Variants in MTCL2 observed in about 807,000 individuals in gnomAD.
MTCL2 encodes microtubule crosslinking factor 2.
chr20:36,820,330 C>A, the MTCL2 span, among the ~76,000 whole-genome samples: 1 of 152,116 alleles, frequency 6.6e-6, no homozygotes, highest in Non-Finnish European at 1.5e-5. Flanking sequence ...ACCAAGGGGT[C>A]AGGCATCACA....
the MTCL2 span, among the ~76,000 whole-genome samples, chr20:36,836,614 G>C: frequency 3.3e-5 from 5 of 151,904 alleles, no homozygotes; most frequent in African/African-American, 1.2e-4. Context: ...AAAGTGCTAG[G>C]ATTACAGGTG....
chr20:36,790,738 CTTT>C, the MTCL2 span, among the ~76,000 whole-genome samples: 11 of 135,860 alleles, frequency 8.1e-5, no homozygotes, highest in Admixed American at 1.5e-4. Context: ...TGCCTGGCCT[CTTT>C]TTTTTTTTTT....
At chr20:36,838,951 AAGAG>A in the MTCL2 span, among the ~76,000 whole-genome samples, 1 of 150,350 alleles carries the variant, frequency 6.7e-6, no homozygotes, top group African/African-American at 2.4e-5. Context: ...CCTGGGCAAC[AAGAG>A]AGAAACTCTG....
At chr20:36,793,218 C>T in the MTCL2 span, 2 of 1,532,612 alleles carry the variant, frequency 1.3e-6, no homozygotes, top group African/African-American at 2.8e-5. The surrounding 1 kb of genome is among the most constrained non-coding windows in gnomAD (Gnocchi z 6.8). Context: ...ACTCCACCTA[C>T]TAAGAGAAAG....
the MTCL2 span, chr20:36,794,678 G>A: frequency 1.0e-5 from 16 of 1,579,404 alleles, no homozygotes; most frequent in South Asian, 2.2e-5. The surrounding 1 kb of genome is among the most constrained non-coding windows in gnomAD (Gnocchi z 5.4). Flanking sequence ...ACCCTGGTCC[G>A]TGTGCTGCGT....
At chr20:36,862,676 C>A in the MTCL2 span, 1 of 1,500,060 alleles carries the variant, frequency 6.7e-7, no homozygotes, top group Non-Finnish European at 8.9e-7. Flanking sequence ...AGTCGTTCTC[C>A]GAGCGCAGCT....
At chr20:36,831,860 C>T in the MTCL2 span, among the ~76,000 whole-genome samples, 5 of 152,278 alleles carry the variant, frequency 3.3e-5, no homozygotes, top group South Asian at 4.1e-4. Context: ...AAACATGGTC[C>T]CCAGTTTGGG....
the MTCL2 span, chr20:36,785,443 C>T: frequency 1.1e-3 from 1,093 of 985,326 alleles, 10 homozygotes; most frequent in African/African-American, 0.017. Flanking sequence ...AGGCAAGATA[C>T]GTGTTTCCAG....
chr20:36,843,223 C>T, the MTCL2 span, among the ~76,000 whole-genome samples: 1 of 152,228 alleles, frequency 6.6e-6, no homozygotes, highest in Non-Finnish European at 1.5e-5. Flanking sequence ...GACTGCTCTG[C>T]TCTTCCAATG....
At chr20:36,826,942 T>C in the MTCL2 span, among the ~76,000 whole-genome samples, 5 of 152,198 alleles carry the variant, frequency 3.3e-5, no homozygotes, top group Non-Finnish European at 7.3e-5. Flanking sequence ...TCTTTTTAAT[T>C]TCTTCATAGT....
chr20:36,805,320 C>G, the MTCL2 span, among the ~76,000 whole-genome samples: 6 of 152,266 alleles, frequency 3.9e-5, no homozygotes, highest in South Asian at 1.2e-3. Context: ...ATCTTCTCTC[C>G]TGGGCCCATG....
the MTCL2 span, among the ~76,000 whole-genome samples, chr20:36,801,690 G>T: frequency 6.6e-6 from 1 of 152,176 alleles, no homozygotes; most frequent in Non-Finnish European, 1.5e-5. Context: ...GTAAGGCCAG[G>T]CGCGGTGGTT....
chr20:36,785,902 T>G, the MTCL2 span: 1 of 986,038 alleles, frequency 1.0e-6, no homozygotes, highest in Admixed American at 6.1e-5. Context: ...CCTATCATAC[T>G]CCCTAGTGTC....
the MTCL2 span, chr20:36,859,842 G>A: frequency 1.6e-6 from 2 of 1,231,632 alleles, no homozygotes; most frequent in East Asian, 3.2e-5. Context: ...CATCTTAGAG[G>A]CAAAGTAGTC....
the MTCL2 span, chr20:36,863,132 G>C: frequency 7.2e-7 from 1 of 1,396,622 alleles, no homozygotes; most frequent in East Asian, 3.3e-5. This position sits in a 1 kb window ranked among gnomAD's most constrained non-coding sequence, Gnocchi z 6.2. Flanking sequence ...GCCCCTTCTT[G>C]TCCGGCCGTG....
the MTCL2 span, chr20:36,805,027 C>T: frequency 2.0e-6 from 2 of 1,004,932 alleles, no homozygotes; most frequent in Non-Finnish European, 2.9e-6. Context: ...GTCCCACAAC[C>T]TCCCTAGGTC....
the MTCL2 span, among the ~76,000 whole-genome samples, chr20:36,849,038 G>GCAAC: frequency 1.7e-5 from 2 of 119,668 alleles, no homozygotes; most frequent in East Asian, 5.2e-4. Context: ...TTTAATAACT[G>GCAAC]TGTTTCAATA....
At chr20:36,778,805 T>C in the MTCL2 span, 8 of 152,320 alleles carry the variant, frequency 5.3e-5, no homozygotes, top group African/African-American at 1.9e-4. Context: ...ATCACAAGAC[T>C]GGGAAGGTAG....
chr20:36,784,861 T>C, the MTCL2 span: 8 of 985,396 alleles, frequency 8.1e-6, no homozygotes, highest in Non-Finnish European at 8.4e-6. Flanking sequence ...CTCAGGTTTA[T>C]GTGCAAAGCT....
Sources: allele counts gnomAD v4.1 joint callset (sites outside exome capture counted in the v4.1 genomes callset), GRCh38; gene constraint gnomAD v4.1.1; non-coding constraint Gnocchi (gnomAD v3.1); transcripts MANE v1.5; gene names NCBI Gene and HGNC (gene_info 2026-07-23, HGNC 2026-07-21).